The following MCTP1 variants were observed in gnomAD, a reference collection of about 807,000 sequenced individuals.
The protein encoded by MCTP1 is multiple C2 and transmembrane domain-containing protein 1.
MCTP1 carries 69 observed loss-of-function variants against 120.6 expected under a neutral mutation model. The ratio of observed to expected loss-of-function variants is 0.57; its 90% CI spans 0.47 to 0.70. MCTP1 has a LOEUF of 0.70. Among genes scored for constraint, MCTP1 ranks in the 30% least tolerant of loss-of-function variants. The probability of loss-of-function intolerance (pLI) is 0.00; values close to 1 mark genes in which losing one functional copy is unlikely to be tolerated. For missense variants in MCTP1, 1,203 were observed against 1,248.8 expected (o/e 0.96, Z 0.55); for synonymous variants, 529 against 493.1 (o/e 1.07, Z -0.96).
At chr5:95,180,140 A>C (rs954304666) in intron 1 of MCTP1, among the ~76,000 whole-genome samples, 3 of 152,216 alleles carry the variant, frequency 2.0e-5, no homozygotes, top group African/African-American at 7.2e-5. Flanking sequence ...GAGCTCCCAA[A>C]TTTATAAAAC....
intron 19 of MCTP1, among the ~76,000 whole-genome samples, chr5:94,736,027 G>A (rs1160065040): frequency 6.6e-6 from 1 of 152,162 alleles, no homozygotes; most frequent in Non-Finnish European, 1.5e-5. Context: ...TAACCATTAT[G>A]TATGTCCATG....
intron 1 of MCTP1, among the ~76,000 whole-genome samples, chr5:95,180,494 T>C (rs1748480973): frequency 6.6e-6 from 1 of 152,190 alleles, no homozygotes; most frequent in Admixed American, 6.5e-5. Flanking sequence ...TTACTAAAAT[T>C]TGGTTTCTGG....
chr5:94,959,372 G>GCCCT (rs1207029583), intron 2 of MCTP1, among the ~76,000 whole-genome samples: 1 of 152,128 alleles, frequency 6.6e-6, no homozygotes, highest in Non-Finnish European at 1.5e-5. Flanking sequence ...AGACAAGGAT[G>GCCCT]CCCTCTCTCA....
intron 17 of MCTP1, among the ~76,000 whole-genome samples, chr5:94,813,371 G>A (rs1783844805): frequency 6.6e-6 from 1 of 152,154 alleles, no homozygotes; most frequent in African/African-American, 2.4e-5. Flanking sequence ...TGGTAGGAAT[G>A]TAAAATGGTA....
At chr5:95,268,104 C>T (rs186684079) in intron 1 of MCTP1, among the ~76,000 whole-genome samples, 1 of 152,354 alleles carries the variant, frequency 6.6e-6, no homozygotes, top group African/African-American at 2.4e-5. Context: ...ATTCTCTGTA[C>T]TCCTCTGATT....
At position 95,282,187 on chromosome 5, in the gene MCTP1, A is replaced by G. The variant is rs532267229; in HGVS notation, c.720+1669T>C. Among the ~76,000 whole-genome samples the G allele has an allele frequency of 8.5e-5, 13 of 152,350 alleles. No homozygotes were observed. The East Asian group carries it at 2.5e-3, about 29-fold the overall frequency. On this transcript the variant is annotated intron_variant, in intron 1 of 22. Coordinates refer to ENST00000515393, the MANE Select transcript of MCTP1 (RefSeq NM_024717.7). ...CAGAATAAGTTTATATCTTTTGTATACAAAATTCATACTTACATAGTAGTG... is the reference window on the plus strand; with the variant it reads ...CAGAATAAGTTTATATCTTTTGTATGCAAAATTCATACTTACATAGTAGTG...
chr5:94,753,608 A>T (rs1026645337), intron 19 of MCTP1, among the ~76,000 whole-genome samples: 1 of 152,202 alleles, frequency 6.6e-6, no homozygotes, highest in Non-Finnish European at 1.5e-5. Context: ...GCTATTGCAC[A>T]TTTACTTTCA....
At chr5:94,932,332 T>C (rs973126496) in intron 5 of MCTP1, among the ~76,000 whole-genome samples, 1 of 151,860 alleles carries the variant, frequency 6.6e-6, no homozygotes, top group Non-Finnish European at 1.5e-5. Context: ...GTTGAGGTTG[T>C]ACATGACTTG....
intron 1 of MCTP1, among the ~76,000 whole-genome samples, chr5:95,137,709 G>T (rs893433371): frequency 1.3e-5 from 2 of 152,012 alleles, no homozygotes; most frequent in African/African-American, 2.4e-5. Flanking sequence ...CCCTTATTCT[G>T]ATTGTCTATT....
intron 1 of MCTP1, among the ~76,000 whole-genome samples, chr5:95,261,578 T>C (rs113842400): frequency 0.02 from 2,982 of 152,348 alleles, 47 homozygotes; most frequent in Non-Finnish European, 0.03. Flanking sequence ...TAAATGTTAT[T>C]TTAAGCCTGG....
At chr5:94,768,655 C>G (rs1773367953) in intron 19 of MCTP1, among the ~76,000 whole-genome samples, 1 of 152,006 alleles carries the variant, frequency 6.6e-6, no homozygotes, top group Non-Finnish European at 1.5e-5. Flanking sequence ...TCACTAAATA[C>G]TGGAGAAATG....
At chr5:95,165,294 T>C (rs539152493) in intron 1 of MCTP1, among the ~76,000 whole-genome samples, 1 of 152,360 alleles carries the variant, frequency 6.6e-6, no homozygotes, top group East Asian at 1.9e-4. Context: ...GCAATTACTT[T>C]TGTGCCCACC....
At chr5:95,095,922 T>C (rs1330130457) in intron 1 of MCTP1, among the ~76,000 whole-genome samples, 3 of 152,072 alleles carry the variant, frequency 2.0e-5, no homozygotes, top group Non-Finnish European at 4.4e-5. Context: ...AAAAGGCCAG[T>C]GGTTTCCTGG....
chr5:95,134,839 A>G (rs942233342), intron 1 of MCTP1, among the ~76,000 whole-genome samples: 1 of 152,080 alleles, frequency 6.6e-6, no homozygotes, highest in Non-Finnish European at 1.5e-5. Context: ...TAATAAATTA[A>G]TTAAAATAAT....
intron 17 of MCTP1, among the ~76,000 whole-genome samples, chr5:94,837,469 T>C (rs1175820987): frequency 6.6e-6 from 1 of 152,212 alleles, no homozygotes; most frequent in Non-Finnish European, 1.5e-5. Flanking sequence ...TATGGATCCC[T>C]AGACAAATTA....
intron 1 of MCTP1, among the ~76,000 whole-genome samples, chr5:95,248,419 A>G (rs1382666543): frequency 6.6e-6 from 1 of 152,216 alleles, no homozygotes; most frequent in Non-Finnish European, 1.5e-5. Flanking sequence ...CCTATTCACA[A>G]TTACTACAAA....
At chr5:95,270,567 G>A (rs1377658248) in intron 1 of MCTP1, among the ~76,000 whole-genome samples, 1 of 70,566 alleles carries the variant, frequency 1.4e-5, no homozygotes, top group Non-Finnish European at 2.7e-5. Context: ...TGAGCAGAGA[G>A]AGGCCAGCTC....
intron 19 of MCTP1, among the ~76,000 whole-genome samples, chr5:94,775,953 A>T (rs2152923508): frequency 6.9e-6 from 1 of 144,688 alleles, no homozygotes; most frequent in African/African-American, 2.6e-5. Flanking sequence ...ATATTATAGA[A>T]ATATATTTAT....
intron 12 of MCTP1, among the ~76,000 whole-genome samples, chr5:94,874,396 T>C (rs552307395): frequency 1.5e-4 from 23 of 152,242 alleles, no homozygotes; most frequent in Admixed American, 2.6e-4. Context: ...ACTTTCCATA[T>C]TGCAATTCTT....
Sources: allele counts gnomAD v4.1 joint callset (sites outside exome capture counted in the v4.1 genomes callset), GRCh38; gene constraint gnomAD v4.1.1; transcripts MANE v1.5; gene names NCBI Gene and HGNC (gene_info 2026-07-23, HGNC 2026-07-21).